TLN2: variants seen among roughly 807,000 people sequenced by gnomAD.
The protein encoded by TLN2 is talin-2.
TLN2 carries 118 observed loss-of-function variants against 294.7 expected under a neutral mutation model. That is an observed-to-expected ratio of 0.40 (90% CI 0.34 to 0.47). The LOEUF (loss-of-function observed/expected upper bound fraction) is 0.47, where lower values mean the gene tolerates loss of function less well. TLN2 is among the 20% of genes least tolerant of loss of function. The pLI, the probability that TLN2 is intolerant of heterozygous loss-of-function variation, is 0.84. For missense variants in TLN2, 3,083 were observed against 3,282.2 expected (o/e 0.94, Z 1.48); for synonymous variants, 1,431 against 1,304.5 (o/e 1.10, Z -2.09).
At position 62,697,695 on chromosome 15, in the gene TLN2, A is replaced by G. The variant is rs2058444293; in HGVS notation, c.1300A>G (p.Ile434Val). 6.3e-7 allele frequency: 1 copy of G among 1,597,462 alleles called. No individual in the cohort carries two copies. Among genetic ancestry groups the G allele is most frequent in the Non-Finnish European group, 8.6e-7 (1 of 1,167,850 alleles). The change falls in exon 15 of 59, where the codon ATC (isoleucine) becomes GTC (valine). Residue 434 changes from isoleucine (I) to valine (V), a missense_variant. Ile to Val is a conservative substitution (Grantham distance 29, BLOSUM62 3). Coordinates refer to ENST00000636159, the MANE Select transcript of TLN2 (RefSeq NM_015059.3). ...AACCACTTTTCCCGGCAGGTCCACC[A>G]TCTTGCAGCAGCAGTTCAACCGGAC... ...EESVSPKKSTILQQQFNRTGK... is the reference protein window; with the variant it reads ...EESVSPKKSTVLQQQFNRTGK...
intron 2 of TLN2, among the ~76,000 whole-genome samples, chr15:62,603,739 G>A (rs1361649349): frequency 2.0e-5 from 3 of 152,184 alleles, no homozygotes; most frequent in Non-Finnish European, 4.4e-5. Context: ...AGGGAGTCAC[G>A]TTTGGGAGAA....
At chr15:62,551,606 G>C (rs2042317202) in intron 1 of TLN2, among the ~76,000 whole-genome samples, 1 of 152,092 alleles carries the variant, frequency 6.6e-6, no homozygotes, top group African/African-American at 2.4e-5. Context: ...GGCTAAGGCA[G>C]GAGAATCACT....
chr15:62,403,996 A>G (rs1453468436), intron 1 of TLN2, among the ~76,000 whole-genome samples: 1 of 152,234 alleles, frequency 6.6e-6, no homozygotes, highest in African/African-American at 2.4e-5. Context: ...TGCCTGGCAC[A>G]TGATAGGTAC....
At chr15:62,700,829 G>T (rs960248422) in intron 16 of TLN2, among the ~76,000 whole-genome samples, 4 of 151,988 alleles carry the variant, frequency 2.6e-5, no homozygotes, top group South Asian at 2.1e-4. Flanking sequence ...TCTAAATAAG[G>T]CCACGTGGAA....
rs1394063095 is a variant in TLN2, at chr15:62,755,330, T to G, written c.4477-202T>G. 1.5e-5 allele frequency: 9 copies of G among 604,912 alleles called. No individual in the cohort carries two copies. The East Asian group carries it at 2.2e-4, about 15-fold the overall frequency. 37.5% of individuals were successfully genotyped at this position (604,912 alleles called of 1,614,324 possible). A position where few individuals can be genotyped will look rare whatever the true frequency, so the allele number is the denominator to read the frequency against. ...CACTATGTCAGCACCTCCTTTTTTC[T>G]TATTCTTTCTTTATTATCTGTGCTT... On this transcript the variant is annotated intron_variant, in intron 36 of 58. Transcript: ENST00000636159.
intron 46 of TLN2, among the ~76,000 whole-genome samples, chr15:62,794,056 G>A (rs2065275936): frequency 6.6e-6 from 1 of 152,092 alleles, no homozygotes; most frequent in South Asian, 2.1e-4. Flanking sequence ...TGTTATTGAA[G>A]TTATTCTTGC....
At chr15:62,539,017 T>A (rs1015826145) in intron 1 of TLN2, among the ~76,000 whole-genome samples, 1 of 152,170 alleles carries the variant, frequency 6.6e-6, no homozygotes, top group Non-Finnish European at 1.5e-5. Flanking sequence ...GAGATTCAGT[T>A]GTGATTTGCA....
At position 62,492,027 on chromosome 15, in the gene TLN2, A is replaced by G. The variant is rs928622149; in HGVS notation, c.-237-97660A>G. ...TTCTGGTATATACATATGTATTTTAATAATTACTAAATGTCTAACAGAATA... is the reference window on the plus strand; with the variant it reads ...TTCTGGTATATACATATGTATTTTAGTAATTACTAAATGTCTAACAGAATA... On this transcript the variant is annotated intron_variant, in intron 1 of 58. Coordinates refer to ENST00000636159, the MANE Select transcript of TLN2 (RefSeq NM_015059.3). 3.4e-4 allele frequency among the ~76,000 whole-genome samples: 52 copies of G among 152,182 alleles called. 1 individual carries two copies. The highest frequency in any genetic ancestry group is 3.3e-3 in the Admixed American group (51 of 15,284).
intron 54 of TLN2, among the ~76,000 whole-genome samples, chr15:62,821,348 AG>A (rs2067549432): frequency 6.6e-6 from 1 of 152,234 alleles, no homozygotes; most frequent in Non-Finnish European, 1.5e-5. Context: ...TTCCTATTCA[AG>A]TAAGTCCCTG....
At chr15:62,618,853 G>T (rs75545884) in intron 3 of TLN2, among the ~76,000 whole-genome samples, 1,673 of 152,284 alleles carry the variant, frequency 0.011, 29 homozygotes, top group African/African-American at 0.037. Flanking sequence ...CAGAACAAAG[G>T]TTCAGTTAGA....
At chr15:62,652,842 C>T (rs866187541) in intron 6 of TLN2, among the ~76,000 whole-genome samples, 1 of 152,008 alleles carries the variant, frequency 6.6e-6, no homozygotes, top group African/African-American at 2.4e-5. Context: ...ATTGTAGTGA[C>T]AATAACCCTG....
intron 3 of TLN2, among the ~76,000 whole-genome samples, chr15:62,639,197 T>C (rs1778221284): frequency 6.6e-6 from 1 of 151,934 alleles, no homozygotes; most frequent in Admixed American, 6.6e-5. Context: ...GATGGACTTC[T>C]AATGGCAAAT....
rs1486691346 is a variant in TLN2 at position 62,753,871 on chromosome 15, G to T, written c.4431G>T (p.Gln1477His). 6.2e-7 allele frequency: 1 copy of T among 1,610,802 alleles called. No individual in the cohort carries two copies. The highest frequency in any genetic ancestry group is 1.7e-5 in the Admixed American group (1 of 59,612). ...IQFARANQAIQMACQNLVDPG... is the reference protein window; with the variant it reads ...IQFARANQAIHMACQNLVDPG... ...TTGCCAGGGCTAACCAGGCCATCCA[G>T]ATGGCATGCCAGAACTTGGTGGACC... The change falls in exon 36 of 59, where the codon CAG (glutamine) becomes CAT (histidine). Residue 1477 changes from glutamine (Q) to histidine (H), a missense_variant. Coordinates refer to ENST00000636159, the MANE Select transcript of TLN2 (RefSeq NM_015059.3).
intron 3 of TLN2, among the ~76,000 whole-genome samples, chr15:62,635,000 T>C (rs1181928187): frequency 6.6e-6 from 1 of 152,260 alleles, no homozygotes; most frequent in East Asian, 1.9e-4. Context: ...CATTCCTTTG[T>C]CAATTCTGTC....
chr15:62,533,840 G>A (rs1238681349), intron 1 of TLN2, among the ~76,000 whole-genome samples: 4 of 152,186 alleles, frequency 2.6e-5, no homozygotes, highest in African/African-American at 9.7e-5. Flanking sequence ...AGCAAGCCCT[G>A]TGGATTACTC....
At chr15:62,532,453 A>C (rs981738943) in intron 1 of TLN2, among the ~76,000 whole-genome samples, 14 of 151,984 alleles carry the variant, frequency 9.2e-5, no homozygotes, top group Non-Finnish European at 1.8e-4. Context: ...AGGCCAGTGG[A>C]TTGTTATGTG....
intron 39 of TLN2, among the ~76,000 whole-genome samples, 200 bp downstream of exon 39, chr15:62,762,653 C>T (rs766849476): frequency 5.9e-5 from 9 of 152,208 alleles, no homozygotes; most frequent in Non-Finnish European, 1.3e-4. Flanking sequence ...ACTACAAGTG[C>T]TTTATCTGTG....
At chr15:62,468,272 A>C (rs747576737) in intron 1 of TLN2, among the ~76,000 whole-genome samples, 1 of 152,180 alleles carries the variant, frequency 6.6e-6, no homozygotes, top group African/African-American at 2.4e-5. Context: ...TAGCATGCTG[A>C]TTTAAACTTC....
intron 1 of TLN2, among the ~76,000 whole-genome samples, chr15:62,541,137 G>A (rs553784223): frequency 2.0e-5 from 3 of 152,234 alleles, no homozygotes; most frequent in African/African-American, 4.8e-5. Context: ...GAGTCACCCC[G>A]AGTAGATGAT....
Sources: gnomAD v4.1 joint callset for allele counts (sites outside exome capture counted in the v4.1 genomes callset) on GRCh38, gnomAD v4.1.1 for gene constraint, MANE v1.5 for transcripts, NCBI Gene and HGNC (gene_info 2026-07-23, HGNC 2026-07-21) for gene names.